ATP10B: variants seen among roughly 807,000 people sequenced by gnomAD.
ATP10B encodes the protein phospholipid-transporting ATPase VB.
ATP10B carries 122 observed loss-of-function variants against 141.2 expected under a neutral mutation model. That is an observed-to-expected ratio of 0.86 (90% CI 0.75 to 1.00). The LOEUF is 1.00. ATP10B is among the 50% of genes least tolerant of loss of function. The pLI is 0.00. For missense variants in ATP10B, 1,876 were observed against 1,825.3 expected (o/e 1.03, Z -0.51); for synonymous variants, 685 against 692.0 (o/e 0.99, Z 0.16).
chr5:160,826,191 A>G (rs1442000299), intron 1 of ATP10B, among the ~76,000 whole-genome samples: 1 of 151,928 alleles, frequency 6.6e-6, no homozygotes, highest in East Asian at 1.9e-4. Context: ...GGTATTCCTG[A>G]GTTGAATGGT....
At chr5:160,854,800 G>A (rs569215654), upstream of ATP10B, among the ~76,000 whole-genome samples, 106 of 152,216 alleles carry the variant, frequency 7.0e-4, no homozygotes, top group South Asian at 0.018. Context: ...TTTTTACTGA[G>A]TACTTTGTGC....
chr5:160,838,012 T>A (rs1581632321), intron 1 of ATP10B, among the ~76,000 whole-genome samples: 1 of 152,150 alleles, frequency 6.6e-6, no homozygotes, highest in Non-Finnish European at 1.5e-5. Flanking sequence ...CTCATAAACT[T>A]TTGCCAGAAT....
intron 6 of ATP10B, among the ~76,000 whole-genome samples, chr5:160,680,213 G>A (rs1266399881): frequency 6.6e-6 from 1 of 151,824 alleles, no homozygotes; most frequent in African/African-American, 2.4e-5. Flanking sequence ...AAAAGCATCA[G>A]TTGCTCAAAT....
At chr5:160,902,058 A>G in the ATP10B span, among the ~76,000 whole-genome samples, 1 of 152,214 alleles carries the variant, frequency 6.6e-6, no homozygotes, top group African/African-American at 2.4e-5. Flanking sequence ...ACTTCTACTA[A>G]TTCCTGATGG....
chr5:160,653,641 TATATATTATATATACATATATACA>T lies in ATP10B; in HGVS notation c.676-4409_676-4386del, dbSNP rs1313418764. 9.5e-4 allele frequency among the ~76,000 whole-genome samples: 73 copies of T among 77,186 alleles called. 2 individuals are homozygous for T. Among genetic ancestry groups the T allele is most frequent in the African/African-American group, 3.8e-3 (70 of 18,662 alleles). 50.6% of individuals were successfully genotyped at this position (77,186 alleles called of 152,430 possible). On this transcript the variant is annotated intron_variant, in intron 7 of 25. Coordinates refer to ENST00000327245, the MANE Select transcript of ATP10B (RefSeq NM_025153.3). ...TATATATTATATATACATATATACA[TATATATTATATATACATATATACA>T]TATATATTATATATACATATATACA...
chr5:160,815,434 G>A (rs939040242), intron 1 of ATP10B, among the ~76,000 whole-genome samples: 6 of 152,148 alleles, frequency 3.9e-5, no homozygotes, highest in African/African-American at 7.2e-5. Flanking sequence ...AACAAGAAGA[G>A]CTAACTATCC....
At position 160,621,040 on chromosome 5, in the gene ATP10B, A is replaced by C. The variant is rs1391342230; in HGVS notation, c.1813-90T>G. 5.5e-6 allele frequency: 8 copies of C among 1,455,862 alleles called. No individual in the cohort carries two copies. In the Admixed American group the frequency reaches 1.3e-4, roughly 24 times the overall value. 90.2% of individuals were successfully genotyped at this position (1,455,862 alleles called of 1,614,324 possible). On this transcript the variant is annotated intron_variant, in intron 14 of 25. Coordinates refer to ENST00000327245, the MANE Select transcript of ATP10B (RefSeq NM_025153.3). ...ATGCGGAATATGAAGGTACTTTTGCAATAAGTGAAGCCAGATATTTTCCTC... is the reference window on the plus strand; with the variant it reads ...ATGCGGAATATGAAGGTACTTTTGCCATAAGTGAAGCCAGATATTTTCCTC...
At position 160,832,797 on chromosome 5, in the gene ATP10B, C is replaced by T. The variant is rs140419615; in HGVS notation, c.-576+19144G>A. Reference sequence around the variant, plus strand: ...GAACACTGCCACAGCTGTATCATCCCGGAGGGCACGGCACAAGAAGAACAA... The same window carrying T: ...GAACACTGCCACAGCTGTATCATCCTGGAGGGCACGGCACAAGAAGAACAA... On this transcript the variant is annotated intron_variant, in intron 1 of 25. Transcript: ENST00000327245. Among the ~76,000 whole-genome samples the T allele has an allele frequency of 8.4e-3, 1,271 of 152,174 alleles. 26 individuals are homozygous for T. The highest frequency in any genetic ancestry group is 0.029 in the African/African-American group (1,202 of 41,524).
intron 1 of ATP10B, among the ~76,000 whole-genome samples, chr5:160,791,674 A>G (rs916544105): frequency 7.2e-5 from 11 of 152,180 alleles, no homozygotes; most frequent in African/African-American, 2.7e-4. Context: ...GTGCAAAGGA[A>G]GCTGTTGCCT....
intron 7 of ATP10B, among the ~76,000 whole-genome samples, chr5:160,668,191 C>T (rs934375974): frequency 1.4e-5 from 2 of 143,690 alleles, no homozygotes; most frequent in South Asian, 4.3e-4. Flanking sequence ...GATTGTGCCA[C>T]CGTACTCTAG....
the ATP10B span, among the ~76,000 whole-genome samples, chr5:160,887,808 G>A: frequency 6.6e-5 from 10 of 152,062 alleles, no homozygotes; most frequent in South Asian, 4.1e-4. Context: ...GCCAACTTCC[G>A]GACACCCTAT....
intron 2 of ATP10B, among the ~76,000 whole-genome samples, chr5:160,733,863 T>A (rs979802997): frequency 3.3e-5 from 5 of 151,730 alleles, no homozygotes; most frequent in African/African-American, 1.2e-4. Context: ...CCCAGCACTT[T>A]TGAAGGCCAA....
the ATP10B span, among the ~76,000 whole-genome samples, chr5:160,867,856 A>T: frequency 6.6e-6 from 1 of 152,090 alleles, no homozygotes; most frequent in East Asian, 1.9e-4. Flanking sequence ...AAATCACTCA[A>T]TTGTCTTCGT....
chr5:160,688,436 G>A (rs774937227), intron 4 of ATP10B, among the ~76,000 whole-genome samples: 11 of 152,136 alleles, frequency 7.2e-5, no homozygotes, highest in East Asian at 1.9e-4. Flanking sequence ...TGGGTGGGAC[G>A]TGCTTTTGGC....
At chr5:160,765,868 A>G (rs1769366635) in intron 2 of ATP10B, among the ~76,000 whole-genome samples, 2 of 152,166 alleles carry the variant, frequency 1.3e-5, no homozygotes, top group African/African-American at 4.8e-5. Flanking sequence ...GAAAAAAACA[A>G]ATAATCCCAT....
chr5:160,757,467 G>T (rs539261494), intron 2 of ATP10B, among the ~76,000 whole-genome samples: 19 of 152,302 alleles, frequency 1.2e-4, no homozygotes, highest in Middle Eastern at 3.4e-3. Flanking sequence ...AACTTTGTGA[G>T]AATAGAGATA....
At chr5:160,882,187 C>A in the ATP10B span, among the ~76,000 whole-genome samples, 3 of 152,082 alleles carry the variant, frequency 2.0e-5, no homozygotes, top group Admixed American at 1.3e-4. Flanking sequence ...AGATACATAT[C>A]ATTATATATT....
At chr5:160,754,838 T>C (rs924235786) in intron 2 of ATP10B, among the ~76,000 whole-genome samples, 7 of 152,140 alleles carry the variant, frequency 4.6e-5, no homozygotes, top group African/African-American at 1.4e-4. Context: ...GCCCTTCAAA[T>C]GGGAAAAAGG....
the ATP10B span, among the ~76,000 whole-genome samples, chr5:160,882,956 T>A: frequency 6.6e-6 from 1 of 151,688 alleles, no homozygotes; most frequent in Non-Finnish European, 1.5e-5. Flanking sequence ...CCAAAAAAAA[T>A]GAAATATAAA....
Sources: allele counts gnomAD v4.1 joint callset (sites outside exome capture counted in the v4.1 genomes callset), GRCh38; gene constraint gnomAD v4.1.1; transcripts MANE v1.5; gene names NCBI Gene and HGNC (gene_info 2026-07-23, HGNC 2026-07-21).